Variants in DSE observed in about 807,000 individuals in gnomAD.
DSE encodes the protein dermatan sulfate epimerase.
In DSE, 36 loss-of-function variants were observed where a neutral mutation model predicts 84.4. That is an observed-to-expected ratio of 0.43 (90% CI 0.33 to 0.56). The LOEUF (loss-of-function observed/expected upper bound fraction) is 0.56. DSE is among the 20% of genes least tolerant of loss of function. The pLI is 0.06. For missense variants in DSE, 862 were observed against 1,169.6 expected (o/e 0.74, Z 3.84); for synonymous variants, 410 against 430.1 (o/e 0.95, Z 0.58).
chr6:116,359,045 G>T (rs953439932), intron 2 of DSE, among the ~76,000 whole-genome samples: 1 of 151,938 alleles, frequency 6.6e-6, no homozygotes, highest in Non-Finnish European at 1.5e-5. Context: ...AAATCTATTT[G>T]GTTGATCAAA....
chr6:116,292,517 G>A (rs1391446255), intron 2 of DSE, among the ~76,000 whole-genome samples: 2 of 152,152 alleles, frequency 1.3e-5, no homozygotes, highest in Non-Finnish European at 2.9e-5. Flanking sequence ...TGTGAGGCCA[G>A]TTCTTTCATA....
At chr6:116,362,481 A>C (rs761018531) in intron 2 of DSE, among the ~76,000 whole-genome samples, 1 of 152,216 alleles carries the variant, frequency 6.6e-6, no homozygotes, top group Non-Finnish European at 1.5e-5. Flanking sequence ...GTGGTGCCTT[A>C]TAAGAGGGAG....
chr6:116,272,510 G>GA (rs907681347), intron 2 of DSE, among the ~76,000 whole-genome samples: 3 of 152,256 alleles, frequency 2.0e-5, no homozygotes, highest in African/African-American at 4.8e-5. Flanking sequence ...CCACAGGGGG[G>GA]AAACTATGAA....
intron 2 of DSE, among the ~76,000 whole-genome samples, chr6:116,418,242 T>C (rs953998863): frequency 7.2e-5 from 11 of 152,182 alleles, no homozygotes; most frequent in African/African-American, 2.7e-4. Context: ...GAGGGTCATC[T>C]CAGGGATATG....
At chr6:116,427,862 C>T (rs1252710660) in intron 3 of DSE, among the ~76,000 whole-genome samples, 1 of 152,166 alleles carries the variant, frequency 6.6e-6, no homozygotes, top group Non-Finnish European at 1.5e-5. Context: ...GCTAGCTCCC[C>T]TTGTCCCCTA....
chr6:116,427,773 T>C (rs1783541403), intron 3 of DSE, among the ~76,000 whole-genome samples: 1 of 152,270 alleles, frequency 6.6e-6, no homozygotes, highest in Admixed American at 6.5e-5. Context: ...CTTTCTGCTG[T>C]ATTTTGTTAT....
intron 2 of DSE, among the ~76,000 whole-genome samples, chr6:116,333,216 C>T (rs191651590): frequency 6.6e-6 from 1 of 152,298 alleles, no homozygotes; most frequent in East Asian, 1.9e-4. Flanking sequence ...TTTTCTGCTG[C>T]ATAACAGAGT....
chr6:116,346,611 G>A (rs1470563113), intron 2 of DSE, among the ~76,000 whole-genome samples: 1 of 152,120 alleles, frequency 6.6e-6, no homozygotes, highest in African/African-American at 2.4e-5. Flanking sequence ...GTATTGATGG[G>A]ATGTATGTCA....
At chr6:116,341,009 T>G (rs927303856) in intron 2 of DSE, among the ~76,000 whole-genome samples, 12 of 152,214 alleles carry the variant, frequency 7.9e-5, no homozygotes, top group African/African-American at 2.2e-4. Flanking sequence ...TACCCAGTAA[T>G]GGGATTGCTT....
At chr6:116,388,195 G>A (rs1162105694) in intron 1 of DSE, among the ~76,000 whole-genome samples, 1 of 152,104 alleles carries the variant, frequency 6.6e-6, no homozygotes, top group African/African-American at 2.4e-5. Context: ...GGAGACCCAG[G>A]AAAACAGGTG....
At chr6:116,318,599 C>T (rs1776128986) in intron 2 of DSE, among the ~76,000 whole-genome samples, 1 of 152,178 alleles carries the variant, frequency 6.6e-6, no homozygotes, top group Non-Finnish European at 1.5e-5. Context: ...AAACTAGCAA[C>T]TTTACAACTA....
At chr6:116,341,406 A>T (rs576295654) in intron 2 of DSE, among the ~76,000 whole-genome samples, 17 of 151,872 alleles carry the variant, frequency 1.1e-4, no homozygotes, top group African/African-American at 4.1e-4. Flanking sequence ...GATTGCAAAA[A>T]TTTTCTCCCG....
At chr6:116,394,303 A>G (rs1414273568) in intron 1 of DSE, among the ~76,000 whole-genome samples, 1 of 152,216 alleles carries the variant, frequency 6.6e-6, no homozygotes, top group African/African-American at 2.4e-5. Context: ...TTTGCTTTAT[A>G]AAGATCTGCT....
intron 2 of DSE, among the ~76,000 whole-genome samples, chr6:116,309,112 TATTATCTC>T (rs1179651452): frequency 1.1e-5 from 1 of 91,046 alleles, no homozygotes; most frequent in East Asian, 1.4e-3. Flanking sequence ...AAATTGAACT[TATTATCTC>T]ATGATGTTTT....
At chr6:116,299,563 C>T (rs200853738) in intron 2 of DSE, among the ~76,000 whole-genome samples, 9 of 66,016 alleles carry the variant, frequency 1.4e-4, no homozygotes, top group South Asian at 9.9e-4. Flanking sequence ...CACATACACA[C>T]ACACACACAC....
chr6:116,387,872 C>T (rs923809717), intron 1 of DSE, among the ~76,000 whole-genome samples: 1 of 152,126 alleles, frequency 6.6e-6, no homozygotes, highest in African/African-American at 2.4e-5. Flanking sequence ...ATCCCAGAAA[C>T]TAATTTCCCA....
chr6:116,299,026 ACT>A (rs1301580938), intron 2 of DSE, among the ~76,000 whole-genome samples: 1 of 152,134 alleles, frequency 6.6e-6, no homozygotes, highest in Non-Finnish European at 1.5e-5. Context: ...ATTTTACTTA[ACT>A]CTCTTAGTTT....
chr6:116,263,366 C>CT (rs200486501), intron 2 of DSE, among the ~76,000 whole-genome samples: 28,482 of 147,650 alleles, frequency 0.19, 2,909 homozygotes, highest in East Asian at 0.28. Flanking sequence ...CCTTCTTTGT[C>CT]TTTTTTTTTT....
At chr6:116,268,962 A>C (rs2114611149) in intron 2 of DSE, among the ~76,000 whole-genome samples, 1 of 152,188 alleles carries the variant, frequency 6.6e-6, no homozygotes, top group South Asian at 2.1e-4. Context: ...CTGTTACAAA[A>C]GTAATATTTT....
Sources: allele counts gnomAD v4.1 joint callset (sites outside exome capture counted in the v4.1 genomes callset), GRCh38; gene constraint gnomAD v4.1.1; transcripts MANE v1.5; gene names NCBI Gene and HGNC (gene_info 2026-07-23, HGNC 2026-07-21).